ARHGEF3: variants seen among roughly 807,000 people sequenced by gnomAD.
ARHGEF3 encodes the protein Rho guanine nucleotide exchange factor 3, also known as 59.8 kDA protein.
ARHGEF3 carries 28 observed loss-of-function variants against 63.2 expected under a neutral mutation model. The ratio of observed to expected loss-of-function variants is 0.44; its 90% CI spans 0.33 to 0.61. ARHGEF3 has a LOEUF of 0.61. Among genes scored for constraint, ARHGEF3 ranks in the 20% least tolerant of loss-of-function variants. The probability of loss-of-function intolerance (pLI) is 0.03; values close to 1 mark genes in which losing one functional copy is unlikely to be tolerated. For missense variants in ARHGEF3, 533 were observed against 659.3 expected, an observed-to-expected ratio of 0.81 and a Z score of 2.10; for synonymous variants, 266 against 254.2, an observed-to-expected ratio of 1.05 and a Z score of -0.44.
At chr3:56,797,557 G>T (rs2037435548) in intron 1 of ARHGEF3, among the ~76,000 whole-genome samples, 1 of 152,118 alleles carries the variant, frequency 6.6e-6, no homozygotes, top group Non-Finnish European at 1.5e-5. Context: ...GTGTGTTCAG[G>T]TATACTATCT....
chr3:56,878,740 G>C (rs2040673976), intron 4 of ARHGEF3, among the ~76,000 whole-genome samples: 1 of 152,198 alleles, frequency 6.6e-6, no homozygotes, highest in Non-Finnish European at 1.5e-5. Context: ...GAGGATCCCT[G>C]TTCTGTAAGA....
Position 56,882,419 on chromosome 3 carries a change from GA to G in ARHGEF3, c.130-66del, listed in dbSNP as rs2040797337. On this transcript the variant is annotated intron_variant, in intron 3 of 12. Coordinates refer to the ARHGEF3 transcript ENST00000338458. ...GGGGTTATGGCTTTGATTAAGGCAA[GA>G]AAAAAAGCAATCAAATAGCACATGC... 65 of 1,367,172 alleles carry G rather than the reference GA, an allele frequency of 4.8e-5. No individual in the cohort carries two copies. In the South Asian group the frequency reaches 7.3e-4, roughly 15 times the overall value. The allele number at this position is 1,367,172 out of a possible 1,614,324, so 84.7% of individuals were successfully genotyped here. A position where few individuals can be genotyped will look rare whatever the true frequency, so the allele number is the denominator to read the frequency against.
At chr3:56,898,996 G>A (rs1457439282) in intron 3 of ARHGEF3, among the ~76,000 whole-genome samples, 1 of 152,238 alleles carries the variant, frequency 6.6e-6, no homozygotes, top group Non-Finnish European at 1.5e-5. Flanking sequence ...GGAGGTTGCA[G>A]TGATCCGAGA....
At chr3:56,839,490 C>G (rs1343392427) in intron 4 of ARHGEF3, among the ~76,000 whole-genome samples, 1 of 152,116 alleles carries the variant, frequency 6.6e-6, no homozygotes, top group Non-Finnish European at 1.5e-5. Flanking sequence ...CTGATTTTGA[C>G]AGATACACTG....
intron 1 of ARHGEF3, chr3:56,775,111 C>G (rs2036222000): frequency 6.5e-7 from 1 of 1,550,112 alleles, no homozygotes. Context: ...AAACCTCAAT[C>G]ATTTCCAGAG....
intron 3 of ARHGEF3, among the ~76,000 whole-genome samples, chr3:56,926,420 G>A (rs36112827): frequency 0.011 from 1,648 of 152,292 alleles, 10 homozygotes; most frequent in Middle Eastern, 0.024. Context: ...AATTCTTTTT[G>A]TCAAGAACAG....
chr3:56,748,358 C>T (rs922756741), intron 6 of ARHGEF3, among the ~76,000 whole-genome samples: 4 of 152,066 alleles, frequency 2.6e-5, no homozygotes, highest in Admixed American at 6.6e-5. Context: ...AAGAAACTGT[C>T]GTTTAGAGAA....
chr3:57,071,897 T>C (rs1198679465), intron 1 of ARHGEF3, among the ~76,000 whole-genome samples: 1 of 152,082 alleles, frequency 6.6e-6, no homozygotes, highest in Non-Finnish European at 1.5e-5. Flanking sequence ...ACTCAGAATA[T>C]ATAAAGAACA....
intron 2 of ARHGEF3, among the ~76,000 whole-genome samples, chr3:57,014,825 C>T (rs1262186262): frequency 1.3e-5 from 2 of 151,736 alleles, no homozygotes; most frequent in South Asian, 2.1e-4. Context: ...GGACTACAGG[C>T]GCCCGCCACT....
chr3:57,026,997 C>A (rs1703504459), intron 2 of ARHGEF3, among the ~76,000 whole-genome samples: 1 of 152,122 alleles, frequency 6.6e-6, no homozygotes, highest in Non-Finnish European at 1.5e-5. Flanking sequence ...AATGTGATCA[C>A]CCTATGTTAG....
intron 4 of ARHGEF3, among the ~76,000 whole-genome samples, chr3:56,821,917 C>A (rs1004577154): frequency 6.6e-6 from 1 of 150,954 alleles, no homozygotes; most frequent in African/African-American, 2.4e-5. Context: ...TAAGCCAAGT[C>A]GCACCACTGC....
rs368071441 is a variant in ARHGEF3 at position 56,977,046 on chromosome 3, CA to C, written c.63-18158del. Among the ~76,000 whole-genome samples the C allele has an allele frequency of 2.5e-4, 38 of 152,150 alleles. No individual in the cohort carries two copies. The East Asian group carries it at 6.8e-3, about 27-fold the overall frequency. On this transcript the variant is annotated intron_variant, in intron 2 of 12. Coordinates refer to the ARHGEF3 transcript ENST00000338458. ...TGAGGATTAACTCATTTAATCCTCA[CA>C]GGGGCCCTGTGGAATAAGGGCTGTA...
chr3:56,936,483 T>C (rs918824183), intron 3 of ARHGEF3, among the ~76,000 whole-genome samples: 7 of 152,204 alleles, frequency 4.6e-5, no homozygotes, highest in African/African-American at 1.4e-4. Context: ...CTCATCAGCG[T>C]CTACCCTGCA....
chr3:57,073,929 A>C (rs756539657), intron 1 of ARHGEF3: 47 of 1,614,076 alleles, frequency 2.9e-5, no homozygotes, highest in Non-Finnish European at 3.5e-5. Context: ...TGTGTGCCAA[A>C]GTGAGACCTG....
At chr3:56,816,105 C>G (rs548786169) in intron 4 of ARHGEF3, among the ~76,000 whole-genome samples, 2 of 152,134 alleles carry the variant, frequency 1.3e-5, no homozygotes, top group Admixed American at 6.5e-5. Context: ...GTCCTAACTA[C>G]TTTAGAAGCT....
upstream of ARHGEF3, among the ~76,000 whole-genome samples, chr3:56,802,974 C>A (rs1187955209): frequency 6.6e-6 from 1 of 152,064 alleles, no homozygotes; most frequent in Non-Finnish European, 1.5e-5. Context: ...GTATTAGACT[C>A]AGTTTAAAAA....
chr3:57,026,030 A>T (rs767399325), intron 2 of ARHGEF3, among the ~76,000 whole-genome samples: 4 of 152,120 alleles, frequency 2.6e-5, no homozygotes, highest in African/African-American at 7.2e-5. Flanking sequence ...CTAGCAGAAT[A>T]CCCCAGACAA....
At chr3:57,003,358 G>T (rs796687445) in intron 2 of ARHGEF3, among the ~76,000 whole-genome samples, 7 of 128,430 alleles carry the variant, frequency 5.5e-5, no homozygotes, top group African/African-American at 2.1e-4. Context: ...AGCTGAGATC[G>T]CACCGCTGCT....
intron 2 of ARHGEF3, among the ~76,000 whole-genome samples, chr3:56,770,138 T>C (rs537522255): frequency 3.3e-4 from 50 of 152,274 alleles, no homozygotes; most frequent in African/African-American, 1.2e-3. Flanking sequence ...TCCAGCCAGG[T>C]GCAGTGGCTC....
Sources: gnomAD v4.1 joint callset for allele counts (sites outside exome capture counted in the v4.1 genomes callset) on GRCh38, gnomAD v4.1.1 for gene constraint, MANE v1.5 for transcripts, NCBI Gene and HGNC (gene_info 2026-07-23, HGNC 2026-07-21) for gene names.